The following AMPH variants were observed in gnomAD, a reference collection of about 807,000 sequenced individuals.
AMPH encodes amphiphysin (Stiff-Mann syndrome with breast cancer 128kD autoantigen).
In AMPH, 49 loss-of-function variants were observed where a neutral mutation model predicts 99.1. That is an observed-to-expected ratio of 0.49 (90% confidence interval 0.39 to 0.63). The LOEUF is 0.63. Ranked by LOEUF, AMPH falls within the 20% of genes least tolerant of loss-of-function variation. The pLI is 0.00. For synonymous variants in AMPH, 314 were observed against 317.3 expected (o/e 0.99, Z 0.11); for missense variants, 759 against 863.4 (o/e 0.88, Z 1.52).
intron 20 of AMPH, among the ~76,000 whole-genome samples, chr7:38,386,135 C>A (rs2128971981): frequency 6.6e-6 from 1 of 152,168 alleles, no homozygotes; most frequent in East Asian, 1.9e-4. Context: ...AGGAAAAAAA[C>A]CGCTGAGGAA....
Position 38,384,801 on chromosome 7 carries a change from T to G in AMPH, c.*17A>C. On this transcript the variant is annotated 3_prime_UTR_variant, in exon 21 of 21. Transcript: ENST00000356264. ...AAAAACCCCGTAACTGAGCTCCTTCTTGCAGTACTTGTTGCCCTAATCTAA... is the reference window on the plus strand; with the variant it reads ...AAAAACCCCGTAACTGAGCTCCTTCGTGCAGTACTTGTTGCCCTAATCTAA... The G allele has an allele frequency of 6.2e-7, 1 of 1,606,140 alleles. No individual in the cohort carries two copies. The highest frequency in any genetic ancestry group is 8.5e-7 in the Non-Finnish European group (1 of 1,172,784).
chr7:38,466,128 C>A (rs1562773714), intron 8 of AMPH, 45 bp downstream of exon 8: 2 of 1,454,884 alleles, frequency 1.4e-6, no homozygotes, highest in East Asian at 2.3e-5. Context: ...AATAAACCTT[C>A]CTTTACTTTA....
chr7:38,475,460 T>C (rs755493808), intron 6 of AMPH, 44 bp from the exon 7 acceptor site: 2 of 1,274,550 alleles, frequency 1.6e-6, no homozygotes, highest in African/African-American at 2.9e-5. Context: ...GAAAGACCAT[T>C]TCTATACACA....
chr7:38,564,416 G>A (rs1791657004), intron 1 of AMPH, among the ~76,000 whole-genome samples: 1 of 152,186 alleles, frequency 6.6e-6, no homozygotes, highest in Admixed American at 6.5e-5. Flanking sequence ...GCAAGGTGGT[G>A]GCCACCTGGA....
Position 38,561,967 on chromosome 7 carries a change from G to GTTTT in AMPH, c.70-26960_70-26957dup, listed in dbSNP as rs546827916. 2.8e-3 allele frequency among the ~76,000 whole-genome samples: 402 copies of GTTTT among 143,698 alleles called. 4 individuals are homozygous for GTTTT. The highest frequency in any genetic ancestry group is 9.6e-3 in the African/African-American group (377 of 39,206). 94.3% of individuals were successfully genotyped at this position (143,698 alleles called of 152,430 possible). ...GTTACTTAAACCACCCAGTCTATATGTTTTTTTTTTTTTGTTATGGCAGCC... is the reference window on the plus strand; with the variant it reads ...GTTACTTAAACCACCCAGTCTATATGTTTTTTTTTTTTTTTTTGTTATGGCAGCC... On this transcript the variant is annotated intron_variant, in intron 1 of 20. Transcript: ENST00000356264.
At chr7:38,452,993 C>T (rs551356254) in intron 11 of AMPH, among the ~76,000 whole-genome samples, 1 of 152,100 alleles carries the variant, frequency 6.6e-6, no homozygotes, top group African/African-American at 2.4e-5. Flanking sequence ...AGAAAGCAGA[C>T]AGAAATATAA....
At chr7:38,506,465 G>A (rs1427503025) in intron 2 of AMPH, among the ~76,000 whole-genome samples, 1 of 152,142 alleles carries the variant, frequency 6.6e-6, no homozygotes, top group Non-Finnish European at 1.5e-5. Flanking sequence ...AGAGAAGCAA[G>A]CTCCAGAATC....
intron 1 of AMPH, among the ~76,000 whole-genome samples, chr7:38,575,520 A>T (rs751134224): frequency 1.1e-4 from 17 of 152,270 alleles, no homozygotes; most frequent in Non-Finnish European, 1.8e-4. Context: ...TTCTCATGAT[A>T]GTTAGTGAGT....
At chr7:38,462,605 G>T (rs185325716) in intron 10 of AMPH, among the ~76,000 whole-genome samples, 1 of 152,254 alleles carries the variant, frequency 6.6e-6, no homozygotes, top group African/African-American at 2.4e-5. Flanking sequence ...GCTTTTCTTG[G>T]CAGTACCTGC....
intron 1 of AMPH, among the ~76,000 whole-genome samples, chr7:38,608,305 C>T (rs554512455): frequency 9.1e-4 from 139 of 152,312 alleles, no homozygotes; most frequent in African/African-American, 3.2e-3. Context: ...CAGCTCTGAC[C>T]ATCCAGCCCT....
chr7:38,477,967 T>C (rs1788147998), intron 5 of AMPH, among the ~76,000 whole-genome samples: 1 of 152,104 alleles, frequency 6.6e-6, no homozygotes, highest in African/African-American at 2.4e-5. Flanking sequence ...AGTAGTGGAC[T>C]GCTCCAACTT....
At chr7:38,444,323 C>G (rs1379018475) in intron 11 of AMPH, among the ~76,000 whole-genome samples, 2 of 152,080 alleles carry the variant, frequency 1.3e-5, no homozygotes, top group African/African-American at 2.4e-5. Flanking sequence ...TCATGCCTAT[C>G]TGGAACCTGT....
chr7:38,560,064 G>A (rs1258507875), intron 1 of AMPH, among the ~76,000 whole-genome samples: 1 of 152,238 alleles, frequency 6.6e-6, no homozygotes. Context: ...CCTGTATGCA[G>A]TCTGCTTCGC....
At chr7:38,428,593 C>T (rs1357540457) in intron 14 of AMPH, 2 of 456,500 alleles carry the variant, frequency 4.4e-6, no homozygotes, top group Admixed American at 2.4e-5. Flanking sequence ...GTGTCTATTG[C>T]ATTTTTCTTT....
intron 3 of AMPH, among the ~76,000 whole-genome samples, chr7:38,503,178 G>A (rs779387618): frequency 5.9e-5 from 9 of 152,316 alleles, no homozygotes; most frequent in Middle Eastern, 3.4e-3. Flanking sequence ...GGATGCAAGC[G>A]CTGCTAATCC....
chr7:38,557,054 G>A lies in AMPH; in HGVS notation c.70-22043C>T, dbSNP rs544868702. Among the ~76,000 whole-genome samples, 78 of 152,290 alleles carry A rather than the reference G, an allele frequency of 5.1e-4. 1 individual carries two copies. The highest frequency in any genetic ancestry group is 7.4e-4 in the Non-Finnish European group (50 of 68,018). On this transcript the variant is annotated intron_variant, in intron 1 of 20. Coordinates refer to ENST00000356264, the MANE Select transcript of AMPH (RefSeq NM_001635.4). ...TTCCCAAGAGCAACAGGGATCCCTTGAGGAGGACAAGGGGATGATATGGTC... is the reference window on the plus strand; with the variant it reads ...TTCCCAAGAGCAACAGGGATCCCTTAAGGAGGACAAGGGGATGATATGGTC...
intron 12 of AMPH, among the ~76,000 whole-genome samples, chr7:38,434,710 G>A (rs1011761809): frequency 2.0e-5 from 3 of 148,306 alleles, no homozygotes; most frequent in Admixed American, 6.8e-5. Flanking sequence ...CTGCACTCCA[G>A]CCTGGGCATC....
chr7:38,564,980 C>T (rs60768554), intron 1 of AMPH, among the ~76,000 whole-genome samples: 25 of 151,932 alleles, frequency 1.6e-4, no homozygotes, highest in African/African-American at 4.6e-4. Flanking sequence ...AAAAATTAGC[C>T]GGGCGTGGTG....
intron 1 of AMPH, among the ~76,000 whole-genome samples, chr7:38,611,865 C>T (rs10278693): frequency 6.6e-6 from 1 of 151,990 alleles, no homozygotes; most frequent in Non-Finnish European, 1.5e-5. Flanking sequence ...GTAATAGGAG[C>T]TAATTATTAA....
Sources: allele counts gnomAD v4.1 joint callset (sites outside exome capture counted in the v4.1 genomes callset), GRCh38; gene constraint gnomAD v4.1.1; transcripts MANE v1.5; gene names NCBI Gene and HGNC (gene_info 2026-07-23, HGNC 2026-07-21).